NRG2: variants seen among roughly 807,000 people sequenced by gnomAD.
NRG2 encodes neuregulin 2.
In NRG2, 27 loss-of-function variants were observed where a neutral mutation model predicts 73.9. The ratio of observed to expected loss-of-function variants is 0.37; its 90% CI spans 0.27 to 0.50. The LOEUF is 0.50. NRG2 is among the 20% of genes least tolerant of loss of function. The pLI, the probability that NRG2 is intolerant of heterozygous loss-of-function variation, is 0.96. For synonymous variants in NRG2, 532 were observed against 541.0 expected, an observed-to-expected ratio of 0.98 and a Z score of 0.23; for missense variants, 1,126 against 1,210.1, an observed-to-expected ratio of 0.93 and a Z score of 1.03.
At chr5:139,850,435 C>T (rs1054693643) in intron 9 of NRG2, among the ~76,000 whole-genome samples, 3 of 152,200 alleles carry the variant, frequency 2.0e-5, no homozygotes, top group Admixed American at 1.3e-4. Flanking sequence ...CCATAGGCTG[C>T]TGTAAGCTTC....
rs554346679 is a variant in NRG2, at chr5:139,848,261, A to T, written c.2209T>A (p.Ser737Thr). 1.8e-6 allele frequency: 2 copies of T among 1,114,668 alleles called. No homozygotes were observed. Among genetic ancestry groups the T allele is most frequent in the Non-Finnish European group, 2.2e-6 (2 of 915,834 alleles). The allele number at this position is 1,114,668 out of a possible 1,614,324, so 69.0% of individuals were successfully genotyped here. The change falls in exon 10 of 10, where the codon TCG becomes ACG. Residue 737 changes from serine (S) to threonine (T), a missense_variant. By Grantham distance (58) the Ser-to-Thr change is moderately conservative. Around this residue, in one of 3 missense-constraint regions of NRG2, gnomAD observed 402 missense variants for 357.8 expected, o/e 1.12. Transcript: ENST00000361474. The part of the protein sequence containing the change: ...PRARGASRRT[S>T]AGPRRWRRSR... ...CGGCGCCAGCGCCGGGGCCCCGCCG[A>T]CGTCCTGCGGGACGCACCGCGCGCG...
At chr5:139,938,949 GAAAGAA>G (rs1753130453) in intron 1 of NRG2, among the ~76,000 whole-genome samples, 1 of 105,142 alleles carries the variant, frequency 9.5e-6, no homozygotes, top group Non-Finnish European at 2.0e-5. Context: ...AAGAAAGAAA[GAAAGAA>G]AGAAAAAAGA....
Position 139,904,434 on chromosome 5 carries a change from T to C in NRG2, c.701-16923A>G. On this transcript the variant is annotated intron_variant, in intron 1 of 9. Transcript: ENST00000361474. The surrounding 1 kb of genome is among the most constrained non-coding windows in gnomAD (Gnocchi z 6.0). The stretch of plus-strand genomic sequence containing the variant: ...TCCCAGGCGGTGGGACGGCCTCAGC[T>C]CTCCGCTGCCGCGCTGCGCCCCCGC... 1 of 1,301,860 alleles carries C rather than the reference T, an allele frequency of 7.7e-7. No homozygotes were observed. Among genetic ancestry groups the C allele is most frequent in the Non-Finnish European group, 1.1e-6 (1 of 930,966 alleles). 80.6% of individuals were successfully genotyped at this position (1,301,860 alleles called of 1,614,324 possible).
chr5:140,026,408 T>C lies in NRG2; in HGVS notation c.700+15962A>G, dbSNP rs534904917. On this transcript the variant is annotated intron_variant, in intron 1 of 9. Transcript: ENST00000361474. ...GAGTCTGAAACTAGGGAATTCCATTTACAGCCGCTAAGGCAGGCTAGGTGA... is the reference window on the plus strand; with the variant it reads ...GAGTCTGAAACTAGGGAATTCCATTCACAGCCGCTAAGGCAGGCTAGGTGA... Among the ~76,000 whole-genome samples the C allele has an allele frequency of 7.9e-5, 12 of 152,318 alleles. No homozygotes were observed. In the South Asian group the frequency reaches 1.9e-3, roughly 24 times the overall value.
Position 139,865,280 on chromosome 5 carries a change from C to A in NRG2, c.1189+269G>T. On this transcript the variant is annotated intron_variant, in intron 5 of 9. Coordinates refer to ENST00000361474, the MANE Select transcript of NRG2 (RefSeq NM_004883.3). The surrounding 1 kb of genome is among the most constrained non-coding windows in gnomAD (Gnocchi z 5.2). Reference sequence around the variant, plus strand: ...CAATGCCAGCTGGGTTCCTTGCCACCGTTACCATTTGTATTGGCCTTGCCA... The same window carrying A: ...CAATGCCAGCTGGGTTCCTTGCCACAGTTACCATTTGTATTGGCCTTGCCA... The A allele has an allele frequency of 1.1e-6, 1 of 947,144 alleles. No homozygotes were observed. Among genetic ancestry groups the A allele is most frequent in the South Asian group, 1.3e-5 (1 of 74,138 alleles). The allele number at this position is 947,144 out of a possible 1,614,324, so 58.7% of individuals were successfully genotyped here. A position where few individuals can be genotyped will look rare whatever the true frequency, so the allele number is the denominator to read the frequency against.
intron 1 of NRG2, among the ~76,000 whole-genome samples, chr5:140,022,177 T>C (rs1441297784): frequency 1.3e-5 from 2 of 152,170 alleles, no homozygotes; most frequent in Admixed American, 6.5e-5. Flanking sequence ...CAAAACATGT[T>C]TGAGCTTTCT....
intron 5 of NRG2, among the ~76,000 whole-genome samples, chr5:139,858,990 G>A (rs1761973659): frequency 6.6e-6 from 1 of 152,154 alleles, no homozygotes. Flanking sequence ...TTCTGTAACT[G>A]TAGGCTCTGC....
Position 139,957,293 on chromosome 5 carries a change from C to T in NRG2, c.701-69782G>A, listed in dbSNP as rs913298800. Among the ~76,000 whole-genome samples the T allele has an allele frequency of 3.3e-5, 5 of 149,954 alleles. No homozygotes were observed. The East Asian group carries it at 7.9e-4, about 24-fold the overall frequency. On this transcript the variant is annotated intron_variant, in intron 1 of 9. Transcript: ENST00000361474. ...TGGGAACTAGCTGGTCACCATCCCC[C>T]CACTCAAGAATCTCTGTGTGTGTGT...
intron 1 of NRG2, among the ~76,000 whole-genome samples, chr5:139,963,093 G>A (rs1334938361): frequency 6.6e-6 from 1 of 152,144 alleles, no homozygotes; most frequent in African/African-American, 2.4e-5. Flanking sequence ...ACATATACTA[G>A]TGAATTAAAG....
chr5:140,027,478 T>C (rs1367575700), intron 1 of NRG2, among the ~76,000 whole-genome samples: 1 of 152,226 alleles, frequency 6.6e-6, no homozygotes, highest in Admixed American at 6.5e-5. Context: ...GGAAAAACCA[T>C]ACACTTTTTA....
intron 1 of NRG2, among the ~76,000 whole-genome samples, chr5:139,890,474 T>A (rs1477229761): frequency 8.1e-4 from 3 of 3,708 alleles, no homozygotes; most frequent in Non-Finnish European, 1.5e-3. Flanking sequence ...TCTTTCTTTC[T>A]TTTTTTTTTT....
At position 139,938,131 on chromosome 5, in the gene NRG2, C is replaced by T. The variant is rs76229896; in HGVS notation, c.701-50620G>A. ...AAATATTGGTGAGAAAAAGTAAGATCTAAATAAATGGAAATACGTGTTCAT... is the reference window on the plus strand; with the variant it reads ...AAATATTGGTGAGAAAAAGTAAGATTTAAATAAATGGAAATACGTGTTCAT... On this transcript the variant is annotated intron_variant, in intron 1 of 9. Coordinates refer to ENST00000361474, the MANE Select transcript of NRG2 (RefSeq NM_004883.3). Among the ~76,000 whole-genome samples, 376 of 152,206 alleles carry T rather than the reference C, an allele frequency of 2.5e-3. 3 individuals carry two copies. The highest frequency in any genetic ancestry group is 8.7e-3 in the African/African-American group (362 of 41,526).
rs1488681296 is a variant in NRG2 at position 139,851,235 on chromosome 5, G to T, written c.1772+369C>A. 6.6e-6 allele frequency among the ~76,000 whole-genome samples: 1 copy of T among 152,146 alleles called. No homozygotes were observed. Among genetic ancestry groups the T allele is most frequent in the South Asian group, 2.1e-4 (1 of 4,824 alleles). On this transcript the variant is annotated intron_variant, in intron 9 of 9. Transcript: ENST00000361474. This position sits in a 1 kb window ranked among gnomAD's most constrained non-coding sequence, Gnocchi z 4.2. The stretch of plus-strand genomic sequence containing the variant: ...ACTCCTGACCTCAGGTGATCCATCC[G>T]CCTTGGCCTCCCAAGTGCTGGGATT...
intron 1 of NRG2, among the ~76,000 whole-genome samples, chr5:139,890,478 T>C (rs868694541): frequency 0.021 from 3,085 of 147,268 alleles, 70 homozygotes; most frequent in African/African-American, 0.073. Context: ...TCTTTCTTTT[T>C]TTTTTTTTTT....
intron 1 of NRG2, among the ~76,000 whole-genome samples, chr5:139,959,493 C>T (rs1172306609): frequency 6.6e-6 from 1 of 152,252 alleles, no homozygotes; most frequent in Non-Finnish European, 1.5e-5. Flanking sequence ...TCTCCTGCCT[C>T]AGCCTCCTGA....
At chr5:139,903,818 T>C (rs1057225412) in intron 1 of NRG2, among the ~76,000 whole-genome samples, 1 of 152,190 alleles carries the variant, frequency 6.6e-6, no homozygotes, top group Non-Finnish European at 1.5e-5. Context: ...CGGGCGCTGT[T>C]GCCCACGCTC....
intron 1 of NRG2, among the ~76,000 whole-genome samples, chr5:140,019,315 C>T (rs1760036384): frequency 6.6e-6 from 1 of 152,214 alleles, no homozygotes; most frequent in African/African-American, 2.4e-5. Flanking sequence ...CACTCCATAA[C>T]CCCAGAGTTG....
At chr5:140,009,621 A>G (rs1759194090) in intron 1 of NRG2, among the ~76,000 whole-genome samples, 1 of 152,186 alleles carries the variant, frequency 6.6e-6, no homozygotes, top group Admixed American at 6.5e-5. Flanking sequence ...CCCACCAACA[A>G]TGAATGAGAG....
chr5:139,867,091 T>C (rs1762513188), intron 4 of NRG2, among the ~76,000 whole-genome samples: 1 of 152,242 alleles, frequency 6.6e-6, no homozygotes, highest in Admixed American at 6.5e-5. Flanking sequence ...AAGTGTACTC[T>C]ATTTCTTAGC....
Sources: allele counts gnomAD v4.1 joint callset (sites outside exome capture counted in the v4.1 genomes callset), GRCh38; gene constraint gnomAD v4.1.1; regional missense constraint gnomAD v4.1.1; non-coding constraint Gnocchi (gnomAD v3.1); transcripts MANE v1.5; gene names NCBI Gene and HGNC (gene_info 2026-07-23, HGNC 2026-07-21).